The following ADAMTS12 variants were observed in gnomAD, a reference collection of about 807,000 sequenced individuals.
ADAMTS12 encodes the protein A disintegrin and metalloproteinase with thrombospondin motifs 12.
ADAMTS12 carries 118 observed loss-of-function variants against 167.8 expected under a neutral mutation model. The observed-to-expected ratio is 0.70, with a 90% CI of 0.61 to 0.82. The LOEUF (loss-of-function observed/expected upper bound fraction) is 0.82, where lower values mean the gene tolerates loss of function less well. ADAMTS12 is among the 40% of genes least tolerant of loss of function. The pLI, the probability that ADAMTS12 is intolerant of heterozygous loss-of-function variation, is 0.00. For synonymous variants in ADAMTS12, 704 were observed against 716.9 expected, an observed-to-expected ratio of 0.98 and a Z score of 0.29; for missense variants, 1,916 against 1,998.8, an observed-to-expected ratio of 0.96 and a Z score of 0.79.
chr5:33,843,741 A>C (rs1348951072), intron 2 of ADAMTS12, among the ~76,000 whole-genome samples: 1 of 152,178 alleles, frequency 6.6e-6, no homozygotes, highest in Non-Finnish European at 1.5e-5. Flanking sequence ...CAAATCCTAT[A>C]TGTGCTATGG....
chr5:33,882,906 A>AACCTTCT (rs1347204891), intron 1 of ADAMTS12, among the ~76,000 whole-genome samples: 1 of 152,212 alleles, frequency 6.6e-6, no homozygotes, highest in Non-Finnish European at 1.5e-5. Flanking sequence ...ACAAACAAAA[A>AACCTTCT]ACCTTCTACT....
At chr5:33,793,583 C>T (rs1010062930) in intron 2 of ADAMTS12, among the ~76,000 whole-genome samples, 16 of 152,270 alleles carry the variant, frequency 1.1e-4, no homozygotes, top group African/African-American at 3.6e-4. Context: ...AAATGAGAGA[C>T]TGTATTGGAT....
At chr5:33,700,534 G>C (rs905693291) in intron 3 of ADAMTS12, among the ~76,000 whole-genome samples, 1 of 152,176 alleles carries the variant, frequency 6.6e-6, no homozygotes, top group Non-Finnish European at 1.5e-5. Flanking sequence ...GGAGGGATGA[G>C]GGCATGGTAG....
chr5:33,533,405 T>C (rs1744214174), intron 23 of ADAMTS12, among the ~76,000 whole-genome samples: 1 of 152,162 alleles, frequency 6.6e-6, no homozygotes, highest in Non-Finnish European at 1.5e-5. Context: ...ACGAGGTGCT[T>C]CTCAAACTTT....
At chr5:33,715,300 T>TA (rs1436819239) in intron 3 of ADAMTS12, among the ~76,000 whole-genome samples, 1 of 151,934 alleles carries the variant, frequency 6.6e-6, no homozygotes, top group Non-Finnish European at 1.5e-5. Context: ...AGTATGTCTC[T>TA]ATTCTGTGAC....
intron 17 of ADAMTS12, among the ~76,000 whole-genome samples, chr5:33,592,377 A>T (rs1045170539): frequency 6.6e-6 from 1 of 152,222 alleles, no homozygotes; most frequent in African/African-American, 2.4e-5. Context: ...TGAAACCTAC[A>T]TGTAGCTGCC....
chr5:33,569,197 C>T (rs953983584), intron 19 of ADAMTS12, among the ~76,000 whole-genome samples: 2 of 152,234 alleles, frequency 1.3e-5, no homozygotes, highest in African/African-American at 4.8e-5. Flanking sequence ...TAGCAGTAAC[C>T]TCTGCAGACT....
At chr5:33,811,981 C>T (rs1329251123) in intron 2 of ADAMTS12, among the ~76,000 whole-genome samples, 3 of 152,124 alleles carry the variant, frequency 2.0e-5, no homozygotes, top group Non-Finnish European at 4.4e-5. Flanking sequence ...ATAGGGAAGC[C>T]ACTAACTCAA....
chr5:33,640,113 G>A (rs1207074379), intron 11 of ADAMTS12, among the ~76,000 whole-genome samples: 1 of 152,166 alleles, frequency 6.6e-6, no homozygotes, highest in African/African-American at 2.4e-5. Context: ...TTGACCTACA[G>A]CAAGGATGCA....
Position 33,524,889 on chromosome 5 carries a change from C to T in ADAMTS12, c.*2299G>A, listed in dbSNP as rs947249711. ...ATGGAGCACCTGGCCAAACTCTCTC[C>T]ACATGTCTACCATCTTCTCCACCAC... On this transcript the variant is annotated 3_prime_UTR_variant, in exon 24 of 24. Transcript: ENST00000504830. 6 of 152,224 alleles carry T rather than the reference C, an allele frequency of 3.9e-5. No individual in the cohort carries two copies. The highest frequency in any genetic ancestry group is 7.3e-5 in the Non-Finnish European group (5 of 68,044). The allele number at this position is 152,224 out of a possible 1,614,324, so 9.4% of individuals were successfully genotyped here.
At chr5:33,889,163 T>C (rs528853246) in intron 1 of ADAMTS12, among the ~76,000 whole-genome samples, 2 of 152,038 alleles carry the variant, frequency 1.3e-5, no homozygotes, top group East Asian at 3.9e-4. Flanking sequence ...AAAGTAAAAA[T>C]GGGGGCGAGG....
intron 3 of ADAMTS12, among the ~76,000 whole-genome samples, chr5:33,690,952 A>T (rs980213446): frequency 6.6e-6 from 1 of 152,164 alleles, no homozygotes. Flanking sequence ...GAAGTAATCA[A>T]CCGAGTGGAT....
At chr5:33,831,553 C>T (rs139243415) in intron 2 of ADAMTS12, among the ~76,000 whole-genome samples, 41 of 152,266 alleles carry the variant, frequency 2.7e-4, no homozygotes, top group African/African-American at 8.7e-4. Context: ...ATAGCAGGTG[C>T]GTTGTAGGTT....
intron 5 of ADAMTS12, among the ~76,000 whole-genome samples, chr5:33,664,109 A>G (rs1741381391): frequency 6.6e-6 from 1 of 152,190 alleles, no homozygotes; most frequent in African/African-American, 2.4e-5. Flanking sequence ...CTTTACCCGC[A>G]ATTCCTATCA....
chr5:33,726,286 C>T (rs1475229392), intron 3 of ADAMTS12, among the ~76,000 whole-genome samples: 1 of 152,154 alleles, frequency 6.6e-6, no homozygotes, highest in Non-Finnish European at 1.5e-5. Context: ...ATTGTAGGTA[C>T]AGTTGAGGAG....
intron 16 of ADAMTS12, among the ~76,000 whole-genome samples, chr5:33,604,144 A>T (rs12653881): frequency 0.58 from 88,239 of 152,088 alleles, 25,883 homozygotes; most frequent in East Asian, 0.82. Flanking sequence ...ATATAAAACA[A>T]GATCATCTCA....
chr5:33,606,035 C>A (rs1561162962), intron 16 of ADAMTS12, among the ~76,000 whole-genome samples: 1 of 152,134 alleles, frequency 6.6e-6, no homozygotes, highest in Non-Finnish European at 1.5e-5. Flanking sequence ...GCAACCTCTG[C>A]CTCCCCGGTT....
intron 3 of ADAMTS12, among the ~76,000 whole-genome samples, chr5:33,727,730 T>G (rs1005791444): frequency 9.2e-5 from 14 of 152,214 alleles, no homozygotes; most frequent in African/African-American, 3.4e-4. Flanking sequence ...CGATTAGCGC[T>G]GGTTGATTTG....
intron 14 of ADAMTS12, among the ~76,000 whole-genome samples, chr5:33,620,770 A>T (rs1469252242): frequency 6.6e-6 from 1 of 152,032 alleles, no homozygotes; most frequent in Non-Finnish European, 1.5e-5. Flanking sequence ...CTTTTTCTTA[A>T]TTTTTCTGAT....
Sources: gnomAD v4.1 joint callset for allele counts (sites outside exome capture counted in the v4.1 genomes callset) on GRCh38, gnomAD v4.1.1 for gene constraint, MANE v1.5 for transcripts, NCBI Gene and HGNC (gene_info 2026-07-23, HGNC 2026-07-21) for gene names.